The following GALNT13 variants were observed in gnomAD, a reference collection of about 807,000 sequenced individuals.
GALNT13 encodes polypeptide N-acetylgalactosaminyltransferase 13, also known as UDP-GalNAc:polypeptide N-acetylgalactosaminyltransferase 13.
In GALNT13, 28 loss-of-function variants were observed where a neutral mutation model predicts 64.2. That is an observed-to-expected ratio of 0.44 (90% CI 0.32 to 0.60). GALNT13 has a LOEUF of 0.60. GALNT13 is among the 20% of genes least tolerant of loss of function. GALNT13 has a pLI of 0.05. For synonymous variants in GALNT13, 214 were observed against 224.6 expected, an observed-to-expected ratio of 0.95 and a Z score of 0.42; for missense variants, 577 against 669.8, an observed-to-expected ratio of 0.86 and a Z score of 1.53.
At chr2:153,286,525 C>T in the GALNT13 span, among the ~76,000 whole-genome samples, 2 of 152,108 alleles carry the variant, frequency 1.3e-5, no homozygotes, top group African/African-American at 4.8e-5. Context: ...GTAATGTGAA[C>T]AATTAAATTT....
At chr2:153,779,342 G>A in the GALNT13 span, among the ~76,000 whole-genome samples, 1 of 152,130 alleles carries the variant, frequency 6.6e-6, no homozygotes, top group Non-Finnish European at 1.5e-5. Context: ...AGAGCCAATG[G>A]CACTAACACA....
the GALNT13 span, among the ~76,000 whole-genome samples, chr2:153,611,742 G>T: frequency 7.2e-6 from 1 of 139,324 alleles, no homozygotes; most frequent in Admixed American, 7.6e-5. Context: ...TGAATGTGCA[G>T]GTTTGTTACA....
chr2:153,725,277 A>C, the GALNT13 span, among the ~76,000 whole-genome samples: 1 of 150,664 alleles, frequency 6.6e-6, no homozygotes, highest in Non-Finnish European at 1.5e-5. Flanking sequence ...GGACACAGGA[A>C]GGGGAATATC....
At chr2:153,156,863 G>A in the GALNT13 span, among the ~76,000 whole-genome samples, 4 of 152,252 alleles carry the variant, frequency 2.6e-5, no homozygotes, top group African/African-American at 9.6e-5. Flanking sequence ...GAAAGTAAAA[G>A]TTGTGCCACG....
chr2:153,588,350 C>T, the GALNT13 span, among the ~76,000 whole-genome samples: 2 of 152,204 alleles, frequency 1.3e-5, no homozygotes, highest in African/African-American at 2.4e-5. Context: ...TCCATGAGGG[C>T]ACCGCCCCTG....
In GALNT13 at chr2:154,301,475, G is replaced by T. The variant is rs780779481; in HGVS notation, c.1042G>T (p.Ala348Ser). The change falls in exon 9 of 13, where the codon GCA (alanine) becomes TCA (serine). Residue 348 changes from alanine to serine, a missense_variant. Physicochemically the swap from Ala to Ser is moderately conservative, Grantham distance 99. Coordinates refer to ENST00000392825, the MANE Select transcript of GALNT13 (RefSeq NM_052917.4). ...CSHVGHVFRK[A>S]TPYTFPGGTG... ...CCATGTTGGTCATGTTTTTCGGAAG[G>T]CAACTCCATACACTTTTCCTGGTGG... 6.8e-6 allele frequency: 11 copies of T among 1,613,638 alleles called. No homozygotes were observed. The African/African-American group carries it at 1.1e-4, about 16-fold the overall frequency.
chr2:153,595,310 G>C, the GALNT13 span, among the ~76,000 whole-genome samples: 1 of 135,088 alleles, frequency 7.4e-6, no homozygotes, highest in South Asian at 2.7e-4. Context: ...CCAAATAATA[G>C]GAAAAAAATG....
intron 3 of GALNT13, among the ~76,000 whole-genome samples, chr2:153,986,159 T>C (rs1000491428): frequency 2.6e-5 from 4 of 152,034 alleles, no homozygotes; most frequent in African/African-American, 9.7e-5. Context: ...GTATTTACTT[T>C]ATATGCTAAA....
chr2:154,298,787 T>TAA (rs1245193481), intron 8 of GALNT13, among the ~76,000 whole-genome samples: 8 of 118,614 alleles, frequency 6.7e-5, no homozygotes, highest in East Asian at 2.6e-4. Context: ...TATTTATATA[T>TAA]TATATTATTT....
chr2:153,290,326 G>A, the GALNT13 span, among the ~76,000 whole-genome samples: 1 of 152,128 alleles, frequency 6.6e-6, no homozygotes, highest in African/African-American at 2.4e-5. Context: ...GAGTATGGCT[G>A]TTTCACAAAG....
the GALNT13 span, among the ~76,000 whole-genome samples, chr2:153,350,380 CTTTCT>C: frequency 8.8e-6 from 1 of 113,870 alleles, no homozygotes; most frequent in Admixed American, 8.3e-5. Flanking sequence ...CTGTTTCTTT[CTTTCT>C]TTTTTTTTTT....
chr2:153,758,526 A>G, the GALNT13 span, among the ~76,000 whole-genome samples: 10 of 152,066 alleles, frequency 6.6e-5, no homozygotes, highest in African/African-American at 2.4e-4. Context: ...TTCTGTGAAA[A>G]ATGAATTTAC....
chr2:153,523,172 A>C, the GALNT13 span, among the ~76,000 whole-genome samples: 7 of 147,136 alleles, frequency 4.8e-5, no homozygotes, highest in African/African-American at 1.5e-4. Context: ...ATACAGGTCT[A>C]TTTCTGGGAT....
chr2:154,385,113 G>C (rs925826169), intron 9 of GALNT13, among the ~76,000 whole-genome samples: 20 of 151,936 alleles, frequency 1.3e-4, no homozygotes, highest in African/African-American at 4.6e-4. Flanking sequence ...AAATAAGATA[G>C]TATGTGGCAT....
At chr2:153,299,979 G>T in the GALNT13 span, among the ~76,000 whole-genome samples, 1 of 152,252 alleles carries the variant, frequency 6.6e-6, no homozygotes, top group East Asian at 1.9e-4. Flanking sequence ...GTTGCCACCG[G>T]TAGGTCTCAA....
At chr2:154,244,870 C>T (rs954739353) in intron 6 of GALNT13, among the ~76,000 whole-genome samples, 1 of 151,932 alleles carries the variant, frequency 6.6e-6, no homozygotes, top group African/African-American at 2.4e-5. Flanking sequence ...ACCTATAATC[C>T]CAGCATTTGG....
chr2:153,748,084 C>G, the GALNT13 span, among the ~76,000 whole-genome samples: 1 of 151,812 alleles, frequency 6.6e-6, no homozygotes, highest in African/African-American at 2.4e-5. Context: ...GTAGTTTTTG[C>G]CATTAAAAGT....
Position 153,985,537 on chromosome 2 carries a change from T to A in GALNT13, c.142+40898T>A, listed in dbSNP as rs141260461. On this transcript the variant is annotated intron_variant, in intron 3 of 12. Transcript: ENST00000392825. The stretch of plus-strand genomic sequence containing the variant: ...TGGATTTTCATATCATTTGTTCTAT[T>A]TTCAGCACCAAACTCAGTACCCGGC... 4.8e-3 allele frequency among the ~76,000 whole-genome samples: 733 copies of A among 152,092 alleles called. 4 individuals are homozygous for A. The highest frequency in any genetic ancestry group is 0.016 in the African/African-American group (644 of 41,536).
chr2:153,117,934 A>C, the GALNT13 span, among the ~76,000 whole-genome samples: 1 of 152,088 alleles, frequency 6.6e-6, no homozygotes. Flanking sequence ...GTTTCCTAGA[A>C]CTGTCATTGT....
Sources: gnomAD v4.1 joint callset for allele counts (sites outside exome capture counted in the v4.1 genomes callset) on GRCh38, gnomAD v4.1.1 for gene constraint, MANE v1.5 for transcripts, NCBI Gene and HGNC (gene_info 2026-07-23, HGNC 2026-07-21) for gene names.